The following ALK variants were observed in gnomAD, a reference collection of about 807,000 sequenced individuals.
ALK encodes the protein ALK receptor tyrosine kinase.
Under a neutral mutation model 163.1 loss-of-function variants are expected in ALK, and 74 were observed. That is an observed-to-expected ratio of 0.45 (90% CI 0.38 to 0.55). The LOEUF is 0.55. Among genes scored for constraint, ALK ranks in the 20% least tolerant of loss-of-function variants. ALK has a pLI of 0.00. For synonymous variants in ALK, 960 were observed against 843.2 expected (o/e 1.14, Z -2.40); for missense variants, 2,063 against 2,105.3 (o/e 0.98, Z 0.39).
intron 4 of ALK, among the ~76,000 whole-genome samples, chr2:29,475,203 G>A (rs550177146): frequency 6.7e-6 from 1 of 150,066 alleles, no homozygotes; most frequent in Admixed American, 6.7e-5. Context: ...CCTGTAGCCT[G>A]TCCTGGAGAA....
chr2:29,453,025 C>T (rs531071205), intron 4 of ALK, among the ~76,000 whole-genome samples: 11 of 152,222 alleles, frequency 7.2e-5, no homozygotes, highest in African/African-American at 2.4e-4. Flanking sequence ...GGGATTGGCT[C>T]CTGAACTGGA....
intron 11 of ALK, among the ~76,000 whole-genome samples, chr2:29,265,758 C>T (rs554421514): frequency 2.6e-5 from 4 of 152,210 alleles, no homozygotes; most frequent in East Asian, 1.9e-4. Context: ...GAGGCCTAGG[C>T]GAGTGGATCA....
chr2:29,648,209 A>G (rs1256452839), intron 3 of ALK, among the ~76,000 whole-genome samples: 1 of 152,124 alleles, frequency 6.6e-6, no homozygotes, highest in African/African-American at 2.4e-5. Context: ...TTTAATTTTT[A>G]TTGAAGTATT....
At chr2:29,620,726 T>C (rs1017077754) in intron 3 of ALK, among the ~76,000 whole-genome samples, 2 of 152,160 alleles carry the variant, frequency 1.3e-5, no homozygotes. Flanking sequence ...ACTTAAACCG[T>C]TCTAAATGTT....
At chr2:29,413,368 A>G (rs1482742445) in intron 4 of ALK, among the ~76,000 whole-genome samples, 2 of 151,122 alleles carry the variant, frequency 1.3e-5, no homozygotes, top group Non-Finnish European at 2.9e-5. Flanking sequence ...TTTTTTTGAG[A>G]TGGAGCCTCA....
chr2:29,708,542 C>T (rs1364432614), intron 2 of ALK, among the ~76,000 whole-genome samples: 1 of 152,158 alleles, frequency 6.6e-6, no homozygotes, highest in Non-Finnish European at 1.5e-5. Context: ...CCAGGAAGGC[C>T]CTGACCCCAC....
intron 1 of ALK, among the ~76,000 whole-genome samples, chr2:29,807,577 T>C (rs1664654007): frequency 6.6e-6 from 1 of 152,194 alleles, no homozygotes; most frequent in African/African-American, 2.4e-5. Flanking sequence ...TGGAAGTTGT[T>C]TGAAGGTACA....
At chr2:29,358,324 T>G (rs1046450813) in intron 5 of ALK, among the ~76,000 whole-genome samples, 3 of 152,236 alleles carry the variant, frequency 2.0e-5, no homozygotes, top group African/African-American at 7.2e-5. Flanking sequence ...AAAAAGGTGA[T>G]CAAATTGTGT....
chr2:29,585,562 A>AG (rs1406684567), intron 3 of ALK, among the ~76,000 whole-genome samples: 1 of 152,158 alleles, frequency 6.6e-6, no homozygotes, highest in Non-Finnish European at 1.5e-5. Flanking sequence ...TCCTGACCTC[A>AG]GGTGATCCAC....
At chr2:29,862,842 G>T (rs77314295) in intron 1 of ALK, among the ~76,000 whole-genome samples, 1 of 151,858 alleles carries the variant, frequency 6.6e-6, no homozygotes, top group East Asian at 1.9e-4. Flanking sequence ...AAAACTGGGG[G>T]CATCACACTA....
intron 3 of ALK, among the ~76,000 whole-genome samples, chr2:29,551,431 TG>T (rs968663642): frequency 1.7e-4 from 26 of 152,184 alleles, no homozygotes; most frequent in African/African-American, 6.3e-4. Context: ...AATTTAATCC[TG>T]AACTATGCAT....
At chr2:29,915,518 C>A (rs1474737715) in intron 1 of ALK, among the ~76,000 whole-genome samples, 1 of 152,154 alleles carries the variant, frequency 6.6e-6, no homozygotes, top group Non-Finnish European at 1.5e-5. Context: ...CTGCGGCCAG[C>A]CTAGATACCC....
At chr2:29,807,499 G>A (rs888955353) in intron 1 of ALK, among the ~76,000 whole-genome samples, 3 of 152,220 alleles carry the variant, frequency 2.0e-5, no homozygotes, top group Admixed American at 6.5e-5. Flanking sequence ...AAGTCTCAGG[G>A]CTTGTTCCTT....
intron 3 of ALK, among the ~76,000 whole-genome samples, chr2:29,586,590 A>C (rs561487828): frequency 6.6e-6 from 1 of 152,264 alleles, no homozygotes; most frequent in East Asian, 1.9e-4. Flanking sequence ...GGTTATCTCC[A>C]AGCTCCTCTG....
chr2:29,607,937 T>A (rs1675583481), intron 3 of ALK, among the ~76,000 whole-genome samples: 1 of 152,218 alleles, frequency 6.6e-6, no homozygotes, highest in Non-Finnish European at 1.5e-5. Context: ...TACAGCAATT[T>A]GCCAACATAA....
At chr2:29,281,713 G>A (rs1466033922) in intron 9 of ALK, among the ~76,000 whole-genome samples, 1 of 152,208 alleles carries the variant, frequency 6.6e-6, no homozygotes, top group Non-Finnish European at 1.5e-5. Flanking sequence ...TTTGAAAACA[G>A]ACTCAGCGGG....
chr2:29,504,568 A>G (rs1391178607), intron 4 of ALK, among the ~76,000 whole-genome samples: 1 of 151,912 alleles, frequency 6.6e-6, no homozygotes, highest in Non-Finnish European at 1.5e-5. Flanking sequence ...TATTTTGGAG[A>G]TGGAATTGAC....
At chr2:29,539,832 C>T (rs897297660) in intron 3 of ALK, among the ~76,000 whole-genome samples, 3 of 152,100 alleles carry the variant, frequency 2.0e-5, no homozygotes, top group African/African-American at 7.2e-5. Flanking sequence ...AAAACTTTTT[C>T]TTTTGAGCTA....
At chr2:29,312,083 G>A (rs957298281) in intron 8 of ALK, among the ~76,000 whole-genome samples, 1 of 151,946 alleles carries the variant, frequency 6.6e-6, no homozygotes, top group Admixed American at 6.5e-5. Flanking sequence ...AGTTGGGAGA[G>A]GGGTGTTGCC....
Sources: allele counts gnomAD v4.1 joint callset (sites outside exome capture counted in the v4.1 genomes callset), GRCh38; gene constraint gnomAD v4.1.1; transcripts MANE v1.5; gene names NCBI Gene and HGNC (gene_info 2026-07-23, HGNC 2026-07-21).